The following PPP2R2C variants were observed in gnomAD, a reference collection of about 807,000 sequenced individuals.
The protein encoded by PPP2R2C is protein phosphatase 2 regulatory subunit Bgamma, also known as protein phosphatase 2, regulatory subunit B, gamma.
In PPP2R2C, 10 loss-of-function variants were observed where a neutral mutation model predicts 45.3. That is an observed-to-expected ratio of 0.22 (90% confidence interval 0.14 to 0.37). PPP2R2C has a LOEUF of 0.37. Ranked by LOEUF, PPP2R2C falls within the 10% of genes least tolerant of loss-of-function variation. PPP2R2C has a pLI of 1.00. For synonymous variants in PPP2R2C, 257 were observed against 245.4 expected (o/e 1.05, Z -0.44); for missense variants, 308 against 619.7 (o/e 0.50, Z 5.34).
chr4:6,413,041 C>T (rs925981042), intron 1 of PPP2R2C, among the ~76,000 whole-genome samples: 4 of 152,204 alleles, frequency 2.6e-5, no homozygotes, highest in South Asian at 2.1e-4. Context: ...GCAGCACCAA[C>T]AGACTAAGAT....
At chr4:6,357,304 G>A (rs1178005538) in intron 5 of PPP2R2C, among the ~76,000 whole-genome samples, 4 of 152,206 alleles carry the variant, frequency 2.6e-5, no homozygotes, top group Non-Finnish European at 1.5e-5. Flanking sequence ...GCAGTTGTCT[G>A]GCTTCAGCCC....
intron 2 of PPP2R2C, among the ~76,000 whole-genome samples, chr4:6,508,475 G>C (rs1723314069): frequency 1.3e-5 from 2 of 151,716 alleles, no homozygotes; most frequent in South Asian, 4.2e-4. Flanking sequence ...TGTAATCCCA[G>C]CTACTCGGGA....
chr4:6,373,901 A>ATGTGTG (rs60094669), intron 4 of PPP2R2C, among the ~76,000 whole-genome samples: 82 of 146,546 alleles, frequency 5.6e-4, no homozygotes, highest in Middle Eastern at 3.4e-3. Flanking sequence ...ATGTGCATGC[A>ATGTGTG]TGTGTGTGTG....
At chr4:6,382,973 G>C in intron 1 of PPP2R2C, 1 of 1,072,146 alleles carries the variant, frequency 9.3e-7, no homozygotes, top group Non-Finnish European at 1.1e-6. Context: ...CGAGGCCCAG[G>C]TGGGCCGCAT....
In PPP2R2C at chr4:6,528,198, C is replaced by G. The variant is rs190977460; in HGVS notation, c.49+7073G>C. On this transcript the variant is annotated intron_variant, in intron 2 of 9. Transcript: ENST00000506140. ...CCTCGGCCCCTGCCCGGGCAAACAT[C>G]TCTTCCTCTTCCCGGCCTGCAAAGC... Among the ~76,000 whole-genome samples, 8 of 152,378 alleles carry G rather than the reference C, an allele frequency of 5.3e-5. No homozygotes were observed. In the East Asian group the frequency reaches 1.3e-3, roughly 26 times the overall value.
chr4:6,350,768 C>A, intron 5 of PPP2R2C: 1 of 985,380 alleles, frequency 1.0e-6, no homozygotes. Flanking sequence ...CACCTCCAGG[C>A]TGAAGTTTTG....
rs565624762 is a variant in PPP2R2C, at chr4:6,541,791, A to G, written c.-58-6414T>C. ...GTGATCCACCCACCTTGGCCTCCCA[A>G]AGGGCTGGGATTACAGGTGTGAGCC... On this transcript the variant is annotated intron_variant, in intron 1 of 9. Coordinates refer to the PPP2R2C transcript ENST00000506140. Among the ~76,000 whole-genome samples the G allele has an allele frequency of 1.9e-3, 296 of 152,262 alleles. 1 individual carries two copies. The highest frequency in any genetic ancestry group is 4.1e-3 in the Admixed American group (63 of 15,296).
intron 5 of PPP2R2C, chr4:6,349,975 A>G (rs542277006): frequency 5.1e-6 from 5 of 985,428 alleles, no homozygotes; most frequent in East Asian, 2.3e-4. Flanking sequence ...TGATCTGTGC[A>G]GTCAGAAAGC....
intron 1 of PPP2R2C, among the ~76,000 whole-genome samples, chr4:6,466,246 A>G (rs1182143876): frequency 6.6e-6 from 1 of 152,186 alleles, no homozygotes; most frequent in East Asian, 1.9e-4. Flanking sequence ...TGCCACACGT[A>G]CCCCTCTGCT....
At chr4:6,552,756 T>C (rs1040199999) in intron 1 of PPP2R2C, among the ~76,000 whole-genome samples, 1 of 152,190 alleles carries the variant, frequency 6.6e-6, no homozygotes, top group African/African-American at 2.4e-5. Flanking sequence ...AATGTGGACA[T>C]CTTTGGGGGG....
intron 1 of PPP2R2C, among the ~76,000 whole-genome samples, chr4:6,462,206 G>T (rs901117094): frequency 6.6e-6 from 1 of 152,254 alleles, no homozygotes; most frequent in Admixed American, 6.5e-5. Flanking sequence ...ACAAATTAGG[G>T]ACAGTGGGAG....
At chr4:6,382,910 C>T in intron 1 of PPP2R2C, 1 of 1,088,062 alleles carries the variant, frequency 9.2e-7, no homozygotes, top group South Asian at 2.6e-5. Context: ...CAGCGGCTCC[C>T]ATTGTGTACT....
chr4:6,372,576 G>A lies in PPP2R2C; in HGVS notation c.572C>T (p.Ala191Val), dbSNP rs369585524. 11 of 1,614,076 alleles carry A rather than the reference G, an allele frequency of 6.8e-6. No homozygotes were observed. The highest frequency in any genetic ancestry group is 1.3e-5 in the African/African-American group (1 of 74,914). Reference protein sequence around the residue: ...VNSDCETYMSADDLRINLWHL... With the variant: ...VNSDCETYMSVDDLRINLWHL... ...CCAGAGGTTGATGCGCAGGTCATCC[G>A]CCGACATGTAGGTCTCGCAGTCACT... is the stretch of plus-strand genomic sequence containing the variant. Residue 191 changes from alanine to valine, a missense_variant, in exon 5 of 9, where the codon GCG becomes GTG. Physicochemically the swap from Ala to Val is moderately conservative, Grantham distance 64. Coordinates refer to ENST00000382599, the MANE Select transcript of PPP2R2C (RefSeq NM_020416.4).
chr4:6,429,386 G>A (rs6826490), intron 1 of PPP2R2C, among the ~76,000 whole-genome samples: 7,274 of 152,200 alleles, frequency 0.048, 570 homozygotes, highest in African/African-American at 0.17. Context: ...CCTCGTACCT[G>A]GTAGGAAGAC....
intron 2 of PPP2R2C, among the ~76,000 whole-genome samples, chr4:6,487,039 A>G (rs80240625): frequency 0.011 from 1,670 of 152,186 alleles, 39 homozygotes; most frequent in African/African-American, 0.037. Flanking sequence ...TAAGGTTTAC[A>G]GTATACATCT....
intron 1 of PPP2R2C, among the ~76,000 whole-genome samples, chr4:6,403,867 A>C (rs1717613923): frequency 6.7e-6 from 1 of 149,522 alleles, no homozygotes; most frequent in Non-Finnish European, 1.5e-5. Context: ...CGCCTCAGAA[A>C]AAAAAAAAAA....
intron 1 of PPP2R2C, among the ~76,000 whole-genome samples, chr4:6,553,517 C>A (rs1279165680): frequency 6.6e-6 from 1 of 152,208 alleles, no homozygotes; most frequent in African/African-American, 2.4e-5. Flanking sequence ...TGCCTTGAGC[C>A]TACAGCACCA....
At chr4:6,391,373 C>T (rs906819176) in intron 1 of PPP2R2C, among the ~76,000 whole-genome samples, 4 of 152,156 alleles carry the variant, frequency 2.6e-5, no homozygotes, top group Admixed American at 1.3e-4. Flanking sequence ...CCATGGCAGG[C>T]GCTGTGCAGG....
At chr4:6,493,565 T>C (rs964272493) in intron 2 of PPP2R2C, among the ~76,000 whole-genome samples, 1 of 151,308 alleles carries the variant, frequency 6.6e-6, no homozygotes, top group East Asian at 1.9e-4. Flanking sequence ...CTAACAGTGC[T>C]GTGTTAGAAA....
Sources: gnomAD v4.1 joint callset for allele counts (sites outside exome capture counted in the v4.1 genomes callset) on GRCh38, gnomAD v4.1.1 for gene constraint, MANE v1.5 for transcripts, NCBI Gene and HGNC (gene_info 2026-07-23, HGNC 2026-07-21) for gene names.